Variants in PTPRD observed in about 807,000 individuals in gnomAD.
PTPRD encodes receptor-type tyrosine-protein phosphatase delta.
In PTPRD, 34 loss-of-function variants were observed where a neutral mutation model predicts 214.5. That is an observed-to-expected ratio of 0.16 (90% CI 0.12 to 0.21). PTPRD has a LOEUF of 0.21. Ranked by LOEUF, PTPRD falls within the 10% of genes least tolerant of loss-of-function variation. The probability of loss-of-function intolerance (pLI) is 1.00; values close to 1 mark genes in which losing one functional copy is unlikely to be tolerated. For synonymous variants in PTPRD, 1,128 were observed against 845.7 expected, an observed-to-expected ratio of 1.33 and a Z score of -5.79; for missense variants, 2,545 against 2,398.7, an observed-to-expected ratio of 1.06 and a Z score of -1.27.
At chr9:9,693,180 C>A (rs766807643) in intron 7 of PTPRD, among the ~76,000 whole-genome samples, 2 of 151,204 alleles carry the variant, frequency 1.3e-5, no homozygotes, top group South Asian at 2.1e-4. Context: ...TAAAAGTGGG[C>A]ATCCTTGTCT....
chr9:8,784,182 G>T (rs1225574056), intron 11 of PTPRD, among the ~76,000 whole-genome samples: 1 of 152,150 alleles, frequency 6.6e-6, no homozygotes, highest in African/African-American at 2.4e-5. Context: ...ACTCTGCCAA[G>T]CTAATAATGG....
At chr9:10,421,344 G>A (rs902508228) in intron 2 of PTPRD, among the ~76,000 whole-genome samples, 1 of 151,782 alleles carries the variant, frequency 6.6e-6, no homozygotes, top group African/African-American at 2.4e-5. Flanking sequence ...TATTTCTACT[G>A]TAATATATTG....
At chr9:9,829,341 A>C (rs752879982) in intron 5 of PTPRD, among the ~76,000 whole-genome samples, 4 of 151,850 alleles carry the variant, frequency 2.6e-5, no homozygotes, top group African/African-American at 9.7e-5. Context: ...AAATATATCA[A>C]ATAAAACAAG....
intron 43 of PTPRD, 126 bp downstream of exon 43, chr9:8,338,796 A>C: frequency 2.3e-6 from 2 of 863,066 alleles, no homozygotes; most frequent in Non-Finnish European, 3.3e-6. Context: ...AACGTTCTCC[A>C]GAATGAATGA....
At position 10,283,870 on chromosome 9, in the gene PTPRD, A is replaced by C. The variant is rs140393459; in HGVS notation, c.-545+57093T>G. On this transcript the variant is annotated intron_variant, in intron 3 of 45. Coordinates refer to ENST00000381196, the MANE Select transcript of PTPRD (RefSeq NM_002839.4). The stretch of plus-strand genomic sequence containing the variant: ...TGCCATTCTGAAACTGGTTAGGGTC[A>C]GTGTGACTAGAATTCACAAGTCCTA... Among the ~76,000 whole-genome samples, 802 of 152,302 alleles carry C rather than the reference A, an allele frequency of 5.3e-3. 8 individuals carry two copies. Among genetic ancestry groups the C allele is most frequent in the African/African-American group, 0.018 (758 of 41,580 alleles).
At chr9:9,749,538 A>T (rs555848087) in intron 6 of PTPRD, among the ~76,000 whole-genome samples, 5 of 152,218 alleles carry the variant, frequency 3.3e-5, no homozygotes, top group Non-Finnish European at 7.3e-5. Context: ...TATTATTATC[A>T]GATCAATCAT....
chr9:9,805,014 C>A (rs928278928), intron 5 of PTPRD, among the ~76,000 whole-genome samples: 6 of 151,932 alleles, frequency 3.9e-5, no homozygotes, highest in Admixed American at 3.9e-4. Flanking sequence ...TTATATAGTG[C>A]AATTATGTAA....
intron 37 of PTPRD, among the ~76,000 whole-genome samples, chr9:8,386,741 T>C (rs1204970097): frequency 6.6e-6 from 1 of 152,148 alleles, no homozygotes; most frequent in Non-Finnish European, 1.5e-5. Context: ...ATTGTTTTTA[T>C]AGTGAAAGCC....
At chr9:9,198,719 A>G (rs1343263610) in intron 9 of PTPRD, among the ~76,000 whole-genome samples, 1 of 152,226 alleles carries the variant, frequency 6.6e-6, no homozygotes, top group African/African-American at 2.4e-5. Context: ...TGAAGTGGAT[A>G]GATGCCTTAT....
At chr9:9,234,557 CG>C (rs2099965335) in intron 9 of PTPRD, among the ~76,000 whole-genome samples, 1 of 152,128 alleles carries the variant, frequency 6.6e-6, no homozygotes, top group Non-Finnish European at 1.5e-5. Flanking sequence ...TGACATCACC[CG>C]GCTGCAAATT....
At chr9:10,124,603 C>A (rs1179984861) in intron 3 of PTPRD, among the ~76,000 whole-genome samples, 1 of 152,156 alleles carries the variant, frequency 6.6e-6, no homozygotes, top group Non-Finnish European at 1.5e-5. Flanking sequence ...ATGTCTCCTG[C>A]ACTTTTTCTA....
intron 3 of PTPRD, among the ~76,000 whole-genome samples, chr9:10,269,871 C>T (rs1001330347): frequency 6.6e-6 from 1 of 152,090 alleles, no homozygotes; most frequent in Non-Finnish European, 1.5e-5. Flanking sequence ...TGCTTTAATA[C>T]TTTTATTAAT....
chr9:9,168,613 G>A (rs1443215494), intron 10 of PTPRD, among the ~76,000 whole-genome samples: 2 of 152,020 alleles, frequency 1.3e-5, no homozygotes, highest in Admixed American at 6.5e-5. Flanking sequence ...TTTAAAAAAC[G>A]ATTTTTTTGC....
At chr9:9,094,711 G>C (rs150479072) in intron 10 of PTPRD, among the ~76,000 whole-genome samples, 7 of 152,248 alleles carry the variant, frequency 4.6e-5, no homozygotes, top group Middle Eastern at 3.4e-3. Context: ...TTTAGGCCCA[G>C]ATGGCTTCCC....
chr9:8,740,982 G>C (rs773243831), intron 11 of PTPRD, among the ~76,000 whole-genome samples: 5 of 151,404 alleles, frequency 3.3e-5, no homozygotes, highest in Non-Finnish European at 5.9e-5. Flanking sequence ...AATACACAGA[G>C]AAAAAAAAGT....
chr9:9,330,871 T>C (rs971381708), intron 9 of PTPRD, among the ~76,000 whole-genome samples: 6 of 151,648 alleles, frequency 4.0e-5, no homozygotes, highest in Non-Finnish European at 8.8e-5. Context: ...TTATTAAAAA[T>C]GTCATACAGG....
In PTPRD at chr9:8,501,031, A is replaced by C; in HGVS notation, c.1851T>G (p.Ser617Arg). The change falls in exon 24 of 46, where the codon AGT becomes AGG. Residue 617 changes from serine (S) to arginine (R), a missense_variant. Transcript: ENST00000381196. ...TACTAGTGGAACTTGGGCTGGTGCAACTAATGTCTTGAGGAGGAGCTGACG... is the reference window on the plus strand; with the variant it reads ...TACTAGTGGAACTTGGGCTGGTGCACCTAATGTCTTGAGGAGGAGCTGACG... The part of the protein sequence containing the change: ...SKPSAPPQDI[S>R]CTSPSSTSIL... 6.2e-7 allele frequency: 1 copy of C among 1,613,946 alleles called. No homozygotes were observed. Among genetic ancestry groups the C allele is most frequent in the Non-Finnish European group, 8.5e-7 (1 of 1,179,848 alleles).
chr9:9,421,129 C>T (rs1348619101), intron 8 of PTPRD, among the ~76,000 whole-genome samples: 1 of 151,876 alleles, frequency 6.6e-6, no homozygotes, highest in African/African-American at 2.4e-5. Flanking sequence ...GTTGATGATG[C>T]TACTTAGAGT....
At chr9:10,427,913 A>G (rs913255735) in intron 2 of PTPRD, among the ~76,000 whole-genome samples, 1 of 152,148 alleles carries the variant, frequency 6.6e-6, no homozygotes, top group Admixed American at 6.6e-5. Flanking sequence ...TTTTAACTTA[A>G]GCATATTCTT....
Sources: gnomAD v4.1 joint callset for allele counts (sites outside exome capture counted in the v4.1 genomes callset) on GRCh38, gnomAD v4.1.1 for gene constraint, MANE v1.5 for transcripts, NCBI Gene and HGNC (gene_info 2026-07-23, HGNC 2026-07-21) for gene names.